Variants in TRPM3 observed in about 807,000 individuals in gnomAD.
The protein encoded by TRPM3 is transient receptor potential cation channel subfamily M member 3, also known as long transient receptor potential channel 3.
In TRPM3, 77 loss-of-function variants were observed where a neutral mutation model predicts 181.2. The ratio of observed to expected loss-of-function variants is 0.42; its 90% CI spans 0.35 to 0.51. TRPM3 has a LOEUF of 0.51. Among genes scored for constraint, TRPM3 ranks in the 20% least tolerant of loss-of-function variants. TRPM3 has a pLI of 0.01. For missense variants in TRPM3, 1,759 were observed against 2,196.7 expected, an observed-to-expected ratio of 0.80 and a Z score of 3.98; for synonymous variants, 745 against 796.4, an observed-to-expected ratio of 0.94 and a Z score of 1.09.
chr9:71,244,336 C>A (rs1164518600), intron 1 of TRPM3, among the ~76,000 whole-genome samples: 3 of 152,166 alleles, frequency 2.0e-5, no homozygotes, highest in Admixed American at 2.0e-4. Context: ...ACTAACTCCA[C>A]ACTCTGAGCC....
intron 1 of TRPM3, among the ~76,000 whole-genome samples, chr9:71,157,425 A>G (rs2076063014): frequency 6.6e-6 from 1 of 152,140 alleles, no homozygotes; most frequent in South Asian, 2.1e-4. Flanking sequence ...GTTAGTTTCT[A>G]TATATTTTAT....
intron 1 of TRPM3, among the ~76,000 whole-genome samples, chr9:71,319,093 A>C (rs1187562141): frequency 6.8e-6 from 1 of 147,586 alleles, no homozygotes; most frequent in African/African-American, 2.5e-5. Context: ...TCTGAAGTTA[A>C]TTATTTTATT....
intron 22 of TRPM3, among the ~76,000 whole-genome samples, chr9:70,589,379 T>C (rs79085893): frequency 0.027 from 4,094 of 152,218 alleles, 189 homozygotes; most frequent in African/African-American, 0.092. Context: ...TCCCTCCTTC[T>C]CCCATCCCAA....
chr9:70,619,811 C>T (rs1229570302), intron 16 of TRPM3, among the ~76,000 whole-genome samples: 8 of 152,158 alleles, frequency 5.3e-5, no homozygotes, highest in Admixed American at 5.2e-4. Flanking sequence ...CTCTGAGCCC[C>T]ATTTTTCCTA....
chr9:71,044,861 C>T (rs1438025447), intron 1 of TRPM3, among the ~76,000 whole-genome samples: 9 of 151,564 alleles, frequency 5.9e-5, no homozygotes, highest in African/African-American at 1.7e-4. Flanking sequence ...TTAGTAGAGA[C>T]GGGGTTTCAC....
chr9:70,668,672 G>GAAAAAAAAAAAAAAA (rs57929544), intron 9 of TRPM3, among the ~76,000 whole-genome samples: 3 of 86,508 alleles, frequency 3.5e-5, no homozygotes, highest in Non-Finnish European at 4.2e-5. Flanking sequence ...CTCAAAAAAA[G>GAAAAAAAAAAAAAAA]AAAAAAAAAA....
intron 1 of TRPM3, 89 bp downstream of exon 1, chr9:71,121,089 C>A (rs562520606): frequency 1.0e-5 from 14 of 1,373,102 alleles, no homozygotes; most frequent in Admixed American, 2.0e-5. Flanking sequence ...TAGGCTCCCC[C>A]AAAGGTGCGT....
Position 71,367,458 on chromosome 9 carries a change from G to C in TRPM3, c.183+79195C>G, listed in dbSNP as rs548405168. Among the ~76,000 whole-genome samples the C allele has an allele frequency of 9.2e-5, 14 of 152,168 alleles. No homozygotes were observed. In the South Asian group the frequency reaches 1.5e-3, roughly 16 times the overall value. ...GTCTAAATTCACCTGTAAAAGGCAA[G>C]TTTGTAAATGTAACAGTTTGTGCAG... On this transcript the variant is annotated intron_variant, in intron 1 of 24. Transcript: ENST00000357533.
intron 6 of TRPM3, among the ~76,000 whole-genome samples, chr9:70,821,238 G>T (rs2093140500): frequency 6.6e-6 from 1 of 152,114 alleles, no homozygotes; most frequent in Non-Finnish European, 1.5e-5. Context: ...AAATGCTTTT[G>T]TACTGAAATA....
In TRPM3 at chr9:71,430,287, A is replaced by G. The variant is rs545451407; in HGVS notation, c.183+16366T>C. On this transcript the variant is annotated intron_variant, in intron 1 of 24. Coordinates refer to the TRPM3 transcript ENST00000357533. ...AAAAAAGCTTAACAAAATGCTAAGCATACATCAAATATTCATTTTCCCTCC... is the reference window on the plus strand; with the variant it reads ...AAAAAAGCTTAACAAAATGCTAAGCGTACATCAAATATTCATTTTCCCTCC... Among the ~76,000 whole-genome samples, 128 of 152,344 alleles carry G rather than the reference A, an allele frequency of 8.4e-4. 3 individuals carry two copies. In the South Asian group the frequency reaches 0.026, roughly 31 times the overall value.
At chr9:71,078,926 C>T (rs1051923771) in intron 1 of TRPM3, among the ~76,000 whole-genome samples, 2 of 152,184 alleles carry the variant, frequency 1.3e-5, no homozygotes, top group African/African-American at 4.8e-5. Context: ...GAAGCTAGTG[C>T]CAGTGGTCAC....
chr9:70,790,116 A>T (rs2085001466), intron 6 of TRPM3, among the ~76,000 whole-genome samples: 1 of 152,294 alleles, frequency 6.6e-6, no homozygotes, highest in Non-Finnish European at 1.5e-5. Flanking sequence ...CCTGGGTAAA[A>T]TTTCAATCAA....
chr9:70,935,165 C>G (rs998187952), intron 1 of TRPM3, among the ~76,000 whole-genome samples: 8 of 152,160 alleles, frequency 5.3e-5, no homozygotes, highest in African/African-American at 1.4e-4. Flanking sequence ...GAGGACTTCC[C>G]CACTTCTCTG....
chr9:71,353,549 G>A (rs17618204), intron 1 of TRPM3, among the ~76,000 whole-genome samples: 29,337 of 152,124 alleles, frequency 0.19, 3,691 homozygotes, highest in Middle Eastern at 0.3. Flanking sequence ...TGCCTAGGGC[G>A]AATGACTTCA....
intron 1 of TRPM3, among the ~76,000 whole-genome samples, chr9:71,371,776 A>G (rs1361361457): frequency 2.0e-5 from 3 of 152,242 alleles, no homozygotes; most frequent in Admixed American, 6.5e-5. Context: ...CACATGCCAT[A>G]GAGAACTCTT....
chr9:71,124,926 A>G (rs57993429), upstream of TRPM3, among the ~76,000 whole-genome samples: 7,681 of 152,196 alleles, frequency 0.05, 678 homozygotes, highest in African/African-American at 0.18. Flanking sequence ...TTGCAATGTA[A>G]TTTTTCAGAG....
At chr9:71,389,666 A>T (rs959561226) in intron 1 of TRPM3, among the ~76,000 whole-genome samples, 1 of 152,156 alleles carries the variant, frequency 6.6e-6, no homozygotes, top group Non-Finnish European at 1.5e-5. Context: ...AAAATGAATG[A>T]GTTAACAGCA....
In TRPM3 at chr9:70,590,896, C is replaced by T. The variant is rs978108120; in HGVS notation, c.3223+135G>A. On this transcript the variant is annotated intron_variant, in intron 22 of 25. Transcript: ENST00000677713. The stretch of plus-strand genomic sequence containing the variant: ...TCACCTTCTGTAATTTTTGTTTCCT[C>T]CAAGATAGCAAGCTAGGAATCAGTC... The T allele has an allele frequency of 5.7e-6, 7 of 1,232,572 alleles. No homozygotes were observed. The African/African-American group carries it at 1.1e-4, about 19-fold the overall frequency. 76.4% of individuals were successfully genotyped at this position (1,232,572 alleles called of 1,614,324 possible).
At position 71,304,680 on chromosome 9, in the gene TRPM3, T is replaced by C. The variant is rs564889643; in HGVS notation, c.183+141973A>G. Among the ~76,000 whole-genome samples, 473 of 152,296 alleles carry C rather than the reference T, an allele frequency of 3.1e-3. 3 individuals are homozygous for C. Among genetic ancestry groups the C allele is most frequent in the African/African-American group, 9.7e-3 (402 of 41,566 alleles). On this transcript the variant is annotated intron_variant, in intron 1 of 24. Transcript: ENST00000357533. ...AAGTACTAAAAATTAGGTCAGCAATTGTATCTGCAAAAGTTATTTTGCAGA... is the reference window on the plus strand; with the variant it reads ...AAGTACTAAAAATTAGGTCAGCAATCGTATCTGCAAAAGTTATTTTGCAGA...
Sources: gnomAD v4.1 joint callset for allele counts (sites outside exome capture counted in the v4.1 genomes callset) on GRCh38, gnomAD v4.1.1 for gene constraint, MANE v1.5 for transcripts, NCBI Gene and HGNC (gene_info 2026-07-23, HGNC 2026-07-21) for gene names.